The following ZNF385D variants were observed in gnomAD, a reference collection of about 807,000 sequenced individuals.
ZNF385D encodes zinc finger protein 385D.
A neutral mutation model predicts 35.8 loss-of-function variants in ZNF385D; 15 were observed. The observed-to-expected ratio is 0.42, with a 90% CI of 0.28 to 0.64. The LOEUF (loss-of-function observed/expected upper bound fraction) is 0.64, where lower values mean the gene tolerates loss of function less well. Among genes scored for constraint, ZNF385D ranks in the 30% least tolerant of loss-of-function variants. ZNF385D has a pLI of 0.23. For synonymous variants in ZNF385D, 212 were observed against 186.8 expected (o/e 1.13, Z -1.10); for missense variants, 474 against 494.6 (o/e 0.96, Z 0.39).
chr3:22,371,704 T>C (rs1319261700), intron 2 of ZNF385D, among the ~76,000 whole-genome samples: 1 of 152,096 alleles, frequency 6.6e-6, no homozygotes, highest in South Asian at 2.1e-4. Flanking sequence ...AACTCTGTGC[T>C]CTCTTCTAAT....
intron 1 of ZNF385D, among the ~76,000 whole-genome samples, chr3:21,674,000 A>G (rs138791535): frequency 6.6e-6 from 1 of 152,250 alleles, no homozygotes; most frequent in East Asian, 1.9e-4. Context: ...CACTCTTTAA[A>G]AAGAAAAAAT....
At chr3:22,334,830 C>G (rs80016009) in intron 2 of ZNF385D, among the ~76,000 whole-genome samples, 8,707 of 152,088 alleles carry the variant, frequency 0.057, 363 homozygotes, top group South Asian at 0.15. Flanking sequence ...CTACTTGAAT[C>G]TGTAGATCAA....
intron 2 of ZNF385D, among the ~76,000 whole-genome samples, chr3:22,195,087 C>T (rs970736878): frequency 6.6e-6 from 1 of 151,812 alleles, no homozygotes; most frequent in East Asian, 1.9e-4. Flanking sequence ...TTTCTACCAG[C>T]AATTTATGAG....
chr3:22,224,998 A>G (rs1220053684), intron 2 of ZNF385D, among the ~76,000 whole-genome samples: 2 of 152,098 alleles, frequency 1.3e-5, no homozygotes, highest in Non-Finnish European at 2.9e-5. Context: ...TGTTCCTAAT[A>G]GTGCTTATTC....
At chr3:21,719,457 T>A (rs1484641116) in intron 1 of ZNF385D, among the ~76,000 whole-genome samples, 6 of 152,220 alleles carry the variant, frequency 3.9e-5, no homozygotes, top group Non-Finnish European at 5.9e-5. Context: ...AGCAAAGGTA[T>A]CTCCAGTAGG....
At chr3:21,772,934 A>T (rs1191090522) in intron 3 of ZNF385D, among the ~76,000 whole-genome samples, 1 of 151,926 alleles carries the variant, frequency 6.6e-6, no homozygotes, top group Admixed American at 6.6e-5. Context: ...AGAACATGCT[A>T]AGTGAAATAG....
chr3:22,218,940 G>C (rs1288939030), intron 2 of ZNF385D, among the ~76,000 whole-genome samples: 1 of 151,982 alleles, frequency 6.6e-6, no homozygotes, highest in Admixed American at 6.6e-5. Context: ...TAGACTGTAA[G>C]GATCTATTCT....
At chr3:21,878,613 T>G (rs1032613350) in intron 3 of ZNF385D, among the ~76,000 whole-genome samples, 1 of 152,084 alleles carries the variant, frequency 6.6e-6, no homozygotes, top group Admixed American at 6.6e-5. Context: ...TTTTCATGCT[T>G]CCATGTTTCC....
intron 3 of ZNF385D, among the ~76,000 whole-genome samples, chr3:21,956,458 C>G (rs1371798770): frequency 6.6e-6 from 1 of 151,882 alleles, no homozygotes. Flanking sequence ...AGGATTGACA[C>G]TCTACAGTGA....
chr3:22,343,988 C>T (rs971059977), intron 2 of ZNF385D, among the ~76,000 whole-genome samples: 1 of 152,010 alleles, frequency 6.6e-6, no homozygotes, highest in African/African-American at 2.4e-5. Context: ...GTCTACTTTC[C>T]ACCCATTATT....
At chr3:21,933,013 G>T (rs145163139) in intron 3 of ZNF385D, among the ~76,000 whole-genome samples, 2 of 152,106 alleles carry the variant, frequency 1.3e-5, no homozygotes, top group African/African-American at 4.8e-5. Context: ...TTCCCCCAGG[G>T]GATGTTGAAG....
intron 3 of ZNF385D, among the ~76,000 whole-genome samples, chr3:22,058,301 G>C (rs1052020449): frequency 2.6e-5 from 4 of 152,158 alleles, no homozygotes; most frequent in African/African-American, 9.7e-5. Flanking sequence ...ATACAGAAGG[G>C]AATTTGATAT....
chr3:21,455,272 C>T lies in ZNF385D; in HGVS notation c.440-18069G>A, dbSNP rs573533940. ...TATGGAACCAAAAAAGAACCCGCAT[C>T]GCCAAGTCAATCCTAAGCCAAAAGA... On this transcript the variant is annotated intron_variant, in intron 4 of 7. Coordinates refer to ENST00000281523, the MANE Select transcript of ZNF385D (RefSeq NM_024697.3). 2.4e-4 allele frequency among the ~76,000 whole-genome samples: 37 copies of T among 152,160 alleles called. No homozygotes were observed. In the East Asian group the frequency reaches 2.5e-3, roughly 10 times the overall value.
intron 3 of ZNF385D, among the ~76,000 whole-genome samples, chr3:21,944,184 G>T (rs1244168960): frequency 6.6e-6 from 1 of 152,140 alleles, no homozygotes; most frequent in Non-Finnish European, 1.5e-5. Flanking sequence ...CAGCAGCATT[G>T]CACTTTCTGC....
At chr3:22,120,097 T>C (rs529971405) in intron 3 of ZNF385D, among the ~76,000 whole-genome samples, 8 of 151,886 alleles carry the variant, frequency 5.3e-5, no homozygotes, top group Non-Finnish European at 8.8e-5. Flanking sequence ...CCCAAAGTAC[T>C]AGGATTACAG....
At chr3:21,707,731 A>C (rs1188329149) in intron 1 of ZNF385D, among the ~76,000 whole-genome samples, 1 of 152,224 alleles carries the variant, frequency 6.6e-6, no homozygotes, top group Non-Finnish European at 1.5e-5. Context: ...TCACTTGAGA[A>C]TGTACCAGTT....
intron 3 of ZNF385D, among the ~76,000 whole-genome samples, chr3:21,521,400 G>A (rs1487073481): frequency 3.3e-5 from 5 of 152,140 alleles, no homozygotes; most frequent in African/African-American, 1.2e-4. Flanking sequence ...GCTCTTGTAG[G>A]TACTGATGAA....
intron 3 of ZNF385D, among the ~76,000 whole-genome samples, chr3:21,806,386 T>C (rs1273190021): frequency 6.6e-6 from 1 of 152,008 alleles, no homozygotes; most frequent in Non-Finnish European, 1.5e-5. Flanking sequence ...TTGTTATTTT[T>C]AGTAGAGACG....
chr3:21,940,452 A>G (rs1280408638), intron 3 of ZNF385D, among the ~76,000 whole-genome samples: 1 of 152,212 alleles, frequency 6.6e-6, no homozygotes, highest in African/African-American at 2.4e-5. Flanking sequence ...ACTATTTTTT[A>G]CAACATAGCA....
Sources: allele counts gnomAD v4.1 joint callset (sites outside exome capture counted in the v4.1 genomes callset), GRCh38; gene constraint gnomAD v4.1.1; transcripts MANE v1.5; gene names NCBI Gene and HGNC (gene_info 2026-07-23, HGNC 2026-07-21).